The following PLCB1 variants were observed in gnomAD, a reference collection of about 807,000 sequenced individuals.
The protein encoded by PLCB1 is phospholipase C beta 1, also known as 1-phosphatidylinositol 4,5-bisphosphate phosphodiesterase beta-1.
A neutral mutation model predicts 161.8 loss-of-function variants in PLCB1; 46 were observed. That is an observed-to-expected ratio of 0.28 (90% CI 0.22 to 0.36). The LOEUF is 0.36. PLCB1 is among the 10% of genes least tolerant of loss of function. PLCB1 has a pLI of 1.00. For missense variants in PLCB1, 1,016 were observed against 1,472.5 expected, an observed-to-expected ratio of 0.69 and a Z score of 5.07; for synonymous variants, 517 against 503.7, an observed-to-expected ratio of 1.03 and a Z score of -0.35.
At chr20:8,676,911 A>C (rs898766069) in intron 9 of PLCB1, among the ~76,000 whole-genome samples, 2 of 152,234 alleles carry the variant, frequency 1.3e-5, no homozygotes, top group African/African-American at 4.8e-5. Context: ...CCATAGAAAA[A>C]TAACCAAATA....
chr20:8,770,388 G>T (rs1982614812), intron 26 of PLCB1, among the ~76,000 whole-genome samples: 1 of 152,198 alleles, frequency 6.6e-6, no homozygotes, highest in African/African-American at 2.4e-5. Flanking sequence ...GCAAAGCTTG[G>T]CCTAAAACTT....
intron 18 of PLCB1, among the ~76,000 whole-genome samples, chr20:8,732,597 G>T (rs6140702): frequency 0.22 from 31,941 of 143,980 alleles, 4,066 homozygotes; most frequent in East Asian, 0.5. Context: ...GTATTAGATA[G>T]TGTATCATAT....
At chr20:8,878,645 T>C (rs1761567204) in intron 31 of PLCB1, among the ~76,000 whole-genome samples, 1 of 152,198 alleles carries the variant, frequency 6.6e-6, no homozygotes, top group Admixed American at 6.5e-5. Flanking sequence ...ACATTTTATA[T>C]GTAGGGAGAA....
At chr20:8,477,935 C>T (rs528157950) in intron 3 of PLCB1, among the ~76,000 whole-genome samples, 1 of 152,322 alleles carries the variant, frequency 6.6e-6, no homozygotes, top group East Asian at 1.9e-4. Context: ...ATAGACTGTT[C>T]CATCTATCTC....
chr20:8,337,798 G>A (rs1020137938), intron 2 of PLCB1, among the ~76,000 whole-genome samples: 1 of 152,042 alleles, frequency 6.6e-6, no homozygotes, highest in Non-Finnish European at 1.5e-5. Flanking sequence ...TTCCAAAGCG[G>A]TTTATCTTCT....
intron 3 of PLCB1, among the ~76,000 whole-genome samples, chr20:8,454,158 A>C (rs1443481782): frequency 6.6e-6 from 1 of 152,160 alleles, no homozygotes; most frequent in Non-Finnish European, 1.5e-5. Flanking sequence ...TAAGCCATCC[A>C]GTCTGTGGTG....
At chr20:8,329,915 C>T (rs1235631604) in intron 2 of PLCB1, among the ~76,000 whole-genome samples, 1 of 152,080 alleles carries the variant, frequency 6.6e-6, no homozygotes, top group African/African-American at 2.4e-5. Flanking sequence ...TTTCTATAGG[C>T]GTTACTTAAA....
chr20:8,262,728 C>T (rs965548356), intron 2 of PLCB1, among the ~76,000 whole-genome samples: 5 of 152,164 alleles, frequency 3.3e-5, no homozygotes, highest in African/African-American at 1.2e-4. Context: ...TCTCACCATT[C>T]CAGAGGCTGG....
At chr20:8,694,714 G>A (rs1474882503) in intron 10 of PLCB1, among the ~76,000 whole-genome samples, 1 of 152,094 alleles carries the variant, frequency 6.6e-6, no homozygotes, top group African/African-American at 2.4e-5. Flanking sequence ...CATTCAACTA[G>A]TATTAATGAA....
intron 2 of PLCB1, among the ~76,000 whole-genome samples, chr20:8,230,679 A>T (rs6118130): frequency 0.31 from 47,617 of 151,970 alleles, 10,662 homozygotes; most frequent in African/African-American, 0.64. Context: ...AAAGTTTAAA[A>T]ATCATTTAAA....
chr20:8,377,170 G>T (rs1212573628), intron 3 of PLCB1, among the ~76,000 whole-genome samples: 1 of 152,080 alleles, frequency 6.6e-6, no homozygotes, highest in Non-Finnish European at 1.5e-5. Context: ...CGGGATCGGA[G>T]ACCTGAGAAA....
chr20:8,627,285 A>G (rs1988380202), intron 3 of PLCB1, among the ~76,000 whole-genome samples: 1 of 152,170 alleles, frequency 6.6e-6, no homozygotes, highest in African/African-American at 2.4e-5. Flanking sequence ...TGTGTGGTTT[A>G]TTTAAACATC....
At chr20:8,435,332 T>G (rs1432004795) in intron 3 of PLCB1, among the ~76,000 whole-genome samples, 1 of 152,196 alleles carries the variant, frequency 6.6e-6, no homozygotes, top group Admixed American at 6.5e-5. Context: ...TAAGGTTTGC[T>G]TCTACCCGGT....
At chr20:8,219,215 A>C (rs1979285306) in intron 2 of PLCB1, among the ~76,000 whole-genome samples, 1 of 152,198 alleles carries the variant, frequency 6.6e-6, no homozygotes, top group African/African-American at 2.4e-5. Context: ...ATTGAGATGC[A>C]TATGCTGTTA....
intron 3 of PLCB1, among the ~76,000 whole-genome samples, chr20:8,445,879 A>G (rs1941965861): frequency 6.6e-6 from 1 of 152,104 alleles, no homozygotes; most frequent in Admixed American, 6.5e-5. Flanking sequence ...AATGCTTGTG[A>G]TTTTTGCACG....
chr20:8,832,690 T>C (rs1458270006), intron 31 of PLCB1, among the ~76,000 whole-genome samples: 2 of 152,246 alleles, frequency 1.3e-5, no homozygotes, highest in African/African-American at 4.8e-5. Context: ...ATCGAAAGCC[T>C]GGCCCACAGG....
intron 4 of PLCB1, among the ~76,000 whole-genome samples, chr20:8,629,646 G>A (rs1304065154): frequency 1.3e-5 from 2 of 152,142 alleles, no homozygotes; most frequent in Non-Finnish European, 2.9e-5. Context: ...GCCTTACAGA[G>A]CTTCTCATGT....
chr20:8,142,974 G>A (rs1568568157), intron 1 of PLCB1, among the ~76,000 whole-genome samples: 1 of 152,148 alleles, frequency 6.6e-6, no homozygotes, highest in African/African-American at 2.4e-5. Flanking sequence ...TTTGGAGCTC[G>A]ACCTTCCTGG....
chr20:8,865,011 G>A (rs147234225), intron 31 of PLCB1, among the ~76,000 whole-genome samples: 2 of 152,288 alleles, frequency 1.3e-5, no homozygotes, highest in East Asian at 1.9e-4. Context: ...GAAGAAAAAC[G>A]AATAGTGTTT....
Sources: allele counts gnomAD v4.1 joint callset (sites outside exome capture counted in the v4.1 genomes callset), GRCh38; gene constraint gnomAD v4.1.1; transcripts MANE v1.5; gene names NCBI Gene and HGNC (gene_info 2026-07-23, HGNC 2026-07-21).